BABAM2: variants seen among roughly 807,000 people sequenced by gnomAD.
BABAM2 encodes the protein BRISC and BRCA1-A complex member 2.
In BABAM2, 31 loss-of-function variants were observed where a neutral mutation model predicts 54.7. The ratio of observed to expected loss-of-function variants is 0.57; its 90% CI spans 0.43 to 0.77. BABAM2 has a LOEUF of 0.77. BABAM2 is among the 30% of genes least tolerant of loss of function. The pLI is 0.00. For missense variants in BABAM2, 364 were observed against 455.8 expected (o/e 0.80, Z 1.83); for synonymous variants, 167 against 162.9 (o/e 1.03, Z -0.19).
chr2:28,179,279 T>G (rs1675360887), intron 7 of BABAM2, among the ~76,000 whole-genome samples: 1 of 152,042 alleles, frequency 6.6e-6, no homozygotes, highest in Non-Finnish European at 1.5e-5. Context: ...AAAAAGGTAA[T>G]GTAGCATGAT....
At chr2:27,911,347 T>C (rs1223390959) in intron 2 of BABAM2, among the ~76,000 whole-genome samples, 1 of 152,130 alleles carries the variant, frequency 6.6e-6, no homozygotes, top group Non-Finnish European at 1.5e-5. Flanking sequence ...TTAAGAACTA[T>C]TCATAAATAG....
At chr2:28,134,154 C>T (rs1453063071) in intron 7 of BABAM2, among the ~76,000 whole-genome samples, 7 of 128,562 alleles carry the variant, frequency 5.4e-5, no homozygotes, top group African/African-American at 1.8e-4. Flanking sequence ...GAATTAGACA[C>T]GAGTAAGTTC....
rs931668359 is a variant in BABAM2, at chr2:28,016,225, G to C, written c.301-9001G>C. On this transcript the variant is annotated intron_variant, in intron 4 of 11. Transcript: ENST00000379624. ...TCTTTCTCTGTCTTTTTTTGGATGA[G>C]CTCTCACTTGCACTTAACAATTTCC... is the stretch of plus-strand genomic sequence containing the variant. The C allele has an allele frequency of 1.6e-5, 15 of 920,248 alleles. No homozygotes were observed. The African/African-American group carries it at 2.1e-4, about 13-fold the overall frequency. The allele number at this position is 920,248 out of a possible 1,614,324, so 57.0% of individuals were successfully genotyped here.
At chr2:28,268,235 G>A (rs1353605467) in intron 10 of BABAM2, among the ~76,000 whole-genome samples, 1 of 152,220 alleles carries the variant, frequency 6.6e-6, no homozygotes, top group Non-Finnish European at 1.5e-5. Context: ...ACTTGGGGAG[G>A]CTGAGACAAG....
chr2:27,994,230 T>G (rs1672975497), intron 4 of BABAM2, among the ~76,000 whole-genome samples: 1 of 152,220 alleles, frequency 6.6e-6, no homozygotes, highest in Non-Finnish European at 1.5e-5. Context: ...AGAGGGGCAC[T>G]TTACCATATC....
intron 4 of BABAM2, among the ~76,000 whole-genome samples, chr2:28,009,839 A>G (rs1233730916): frequency 6.6e-6 from 1 of 152,160 alleles, no homozygotes; most frequent in Admixed American, 6.5e-5. Flanking sequence ...ATGTGTGCAA[A>G]AGATGTAAAG....
intron 7 of BABAM2, 99 bp downstream of exon 7, chr2:28,129,479 C>G (rs1464628288): frequency 9.4e-7 from 1 of 1,060,442 alleles, no homozygotes; most frequent in Non-Finnish European, 1.4e-6. Flanking sequence ...ATTTATTTCT[C>G]TTCATTGACT....
rs1348149756 is a variant in BABAM2, at chr2:28,131,316, C to T, written c.680+1936C>T. ...CGGGATGGTCTCGATCTCCTGACCT[C>T]GTGATCCGCCCGCCTCGGCCTCCCA... On this transcript the variant is annotated intron_variant, in intron 7 of 11. Transcript: ENST00000379624. Among the ~76,000 whole-genome samples, 5 of 51,048 alleles carry T rather than the reference C, an allele frequency of 9.8e-5. 2 individuals are homozygous for T. The highest frequency in any genetic ancestry group is 6.5e-4 in the East Asian group (2 of 3,054). The allele number at this position is 51,048 out of a possible 152,430, so 33.5% of individuals were successfully genotyped here. A position where few individuals can be genotyped will look rare whatever the true frequency, so the allele number is the denominator to read the frequency against.
chr2:28,051,970 T>C (rs183729525), intron 6 of BABAM2, among the ~76,000 whole-genome samples: 1 of 151,914 alleles, frequency 6.6e-6, no homozygotes, highest in Admixed American at 6.5e-5. Flanking sequence ...TTTAAAATGT[T>C]CATGATGAAG....
intron 11 of BABAM2, chr2:28,308,023 G>C (rs1688713790): frequency 6.3e-6 from 1 of 159,462 alleles, no homozygotes; most frequent in East Asian, 1.9e-4. Flanking sequence ...CCCTTCAAGG[G>C]TTATAATGCA....
chr2:28,102,087 C>T (rs1667132768), intron 6 of BABAM2, among the ~76,000 whole-genome samples: 1 of 152,228 alleles, frequency 6.6e-6, no homozygotes, highest in South Asian at 2.1e-4. Flanking sequence ...GTTTATTCGT[C>T]ATCCCCTGCT....
At chr2:27,985,305 G>C (rs556962332) in intron 3 of BABAM2, among the ~76,000 whole-genome samples, 7 of 152,204 alleles carry the variant, frequency 4.6e-5, no homozygotes, top group African/African-American at 1.4e-4. Context: ...TCTCCACACT[G>C]TTTTCCATAG....
intron 10 of BABAM2, among the ~76,000 whole-genome samples, chr2:28,285,118 T>C (rs534184439): frequency 1.3e-5 from 2 of 152,202 alleles, no homozygotes; most frequent in Non-Finnish European, 2.9e-5. Context: ...TCCTTAGTTC[T>C]TTAGGTTGCA....
At chr2:28,245,914 T>A (rs1558468757) in intron 10 of BABAM2, among the ~76,000 whole-genome samples, 1 of 152,228 alleles carries the variant, frequency 6.6e-6, no homozygotes, top group South Asian at 2.1e-4. Context: ...GTTCTTAAGT[T>A]CATTTTTCTA....
intron 6 of BABAM2, among the ~76,000 whole-genome samples, chr2:28,076,509 T>TTAGTTAG (rs1404090269): frequency 9.6e-5 from 12 of 124,940 alleles, no homozygotes; most frequent in African/African-American, 3.4e-4. Context: ...TAGTTAGTTA[T>TTAGTTAG]TTTTGAGACA....
intron 10 of BABAM2, among the ~76,000 whole-genome samples, chr2:28,280,878 G>C (rs888641459): frequency 2.0e-5 from 3 of 151,972 alleles, no homozygotes; most frequent in Non-Finnish European, 2.9e-5. Flanking sequence ...TGAGTAAGGC[G>C]GGGGGGCAGT....
At chr2:28,333,803 T>C (rs1691174032) in intron 11 of BABAM2, among the ~76,000 whole-genome samples, 1 of 152,226 alleles carries the variant, frequency 6.6e-6, no homozygotes, top group Non-Finnish European at 1.5e-5. Context: ...AAGACTTCAC[T>C]ATCCCCTAGA....
chr2:28,290,297 C>G lies in BABAM2; in HGVS notation c.935-8041C>G, dbSNP rs1186493745. ...CAAGTGGGGCTACTTTAGGCCTTCTCCTGCGATCTTTTTACACACATGTGG... is the reference window on the plus strand; with the variant it reads ...CAAGTGGGGCTACTTTAGGCCTTCTGCTGCGATCTTTTTACACACATGTGG... On this transcript the variant is annotated intron_variant, in intron 10 of 11. Coordinates refer to ENST00000379624, the MANE Select transcript of BABAM2 (RefSeq NM_199191.3). 1.3e-5 allele frequency among the ~76,000 whole-genome samples: 2 copies of G among 152,154 alleles called. 1 individual carries two copies. The highest frequency in any genetic ancestry group is 3.9e-4 in the East Asian group (2 of 5,192).
At chr2:27,937,405 C>A (rs1345877552) in intron 3 of BABAM2, among the ~76,000 whole-genome samples, 1 of 152,212 alleles carries the variant, frequency 6.6e-6, no homozygotes, top group Non-Finnish European at 1.5e-5. Context: ...GGATTACAGG[C>A]ATGAGCCACC....
Sources: gnomAD v4.1 joint callset for allele counts (sites outside exome capture counted in the v4.1 genomes callset) on GRCh38, gnomAD v4.1.1 for gene constraint, MANE v1.5 for transcripts, NCBI Gene and HGNC (gene_info 2026-07-23, HGNC 2026-07-21) for gene names.